Variants in SPAM1 observed in about 807,000 individuals in gnomAD.
The protein encoded by SPAM1 is sperm adhesion molecule 1.
A neutral mutation model predicts 29.6 loss-of-function variants in SPAM1; 22 were observed. The ratio of observed to expected loss-of-function variants is 0.74; its 90% CI spans 0.53 to 1.06. The LOEUF (loss-of-function observed/expected upper bound fraction) is 1.06. Ranked by LOEUF, SPAM1 falls within the 50% of genes least tolerant of loss-of-function variation. The pLI, the probability that SPAM1 is intolerant of heterozygous loss-of-function variation, is 0.00. For missense variants in SPAM1, 534 were observed against 604.0 expected, an observed-to-expected ratio of 0.88 and a Z score of 1.21; for synonymous variants, 194 against 204.6, an observed-to-expected ratio of 0.95 and a Z score of 0.44.
At chr7:123,947,105 G>C (rs1335750597) in intron 1 of SPAM1, among the ~76,000 whole-genome samples, 1 of 152,010 alleles carries the variant, frequency 6.6e-6, no homozygotes, top group Non-Finnish European at 1.5e-5. Context: ...TTATCATTTT[G>C]AAAATGTTAA....
At chr7:123,937,344 G>A (rs1808273152) in intron 1 of SPAM1, among the ~76,000 whole-genome samples, 1 of 152,156 alleles carries the variant, frequency 6.6e-6, no homozygotes, top group South Asian at 2.1e-4. Context: ...GCTCACGCCT[G>A]TAATCCCAGC....
intron 5 of SPAM1, among the ~76,000 whole-genome samples, chr7:123,969,719 G>A (rs891333163): frequency 6.7e-6 from 1 of 150,276 alleles, no homozygotes; most frequent in African/African-American, 2.4e-5. Context: ...TTGAAGTCAG[G>A]TAGTGTGATG....
intron 4 of SPAM1, among the ~76,000 whole-genome samples, chr7:123,956,544 A>G (rs930991066): frequency 6.6e-6 from 1 of 151,948 alleles, no homozygotes; most frequent in Non-Finnish European, 1.5e-5. Flanking sequence ...AGCCAGCCCT[A>G]CTGCTCCCAG....
chr7:123,971,037 A>G (rs997989572), exon 7 of SPAM1: 15 of 152,180 alleles, frequency 9.9e-5, no homozygotes, highest in African/African-American at 3.1e-4. Flanking sequence ...ATCATCACCA[A>G]CATCCTTGGG....
intron 1 of SPAM1, among the ~76,000 whole-genome samples, chr7:123,930,680 A>C (rs1305918921): frequency 6.6e-6 from 1 of 152,210 alleles, no homozygotes; most frequent in African/African-American, 2.4e-5. Flanking sequence ...GGTAGAGAAA[A>C]CAAAGACTCC....
At chr7:123,931,973 C>T (rs1292531688) in intron 1 of SPAM1, among the ~76,000 whole-genome samples, 2 of 152,200 alleles carry the variant, frequency 1.3e-5, no homozygotes, top group Non-Finnish European at 2.9e-5. Context: ...AACAACATGC[C>T]TATAGGACAT....
At chr7:123,961,328 C>T (rs980696051), downstream of SPAM1, among the ~76,000 whole-genome samples, 1 of 151,934 alleles carries the variant, frequency 6.6e-6, no homozygotes, top group Non-Finnish European at 1.5e-5. Context: ...CTCCTCCCAT[C>T]CTTCCTACTC....
chr7:123,964,842 A>G (rs1792402538), downstream of SPAM1, among the ~76,000 whole-genome samples: 1 of 152,040 alleles, frequency 6.6e-6, no homozygotes, highest in Admixed American at 6.6e-5. Flanking sequence ...AGCAGCCAAA[A>G]ATAAATATAT....
intron 5 of SPAM1, among the ~76,000 whole-genome samples, chr7:123,969,755 G>A (rs1250722702): frequency 6.7e-6 from 1 of 149,958 alleles, no homozygotes; most frequent in Non-Finnish European, 1.5e-5. Context: ...CTTTTGCTCA[G>A]GATTGTTTTG....
downstream of SPAM1, among the ~76,000 whole-genome samples, chr7:123,961,946 G>C (rs4472450): frequency 0.33 from 49,965 of 151,778 alleles, 9,447 homozygotes; most frequent in African/African-American, 0.51. Context: ...GAGAACAGTA[G>C]GGGGGAAATC....
chr7:123,958,888 T>G (rs1792303366), intron 4 of SPAM1, among the ~76,000 whole-genome samples: 3 of 151,986 alleles, frequency 2.0e-5, no homozygotes, highest in Admixed American at 2.0e-4. Flanking sequence ...TATTTATAAT[T>G]TATTGAGGGT....
chr7:123,970,766 T>C (rs1417477604), intron 6 of SPAM1, among the ~76,000 whole-genome samples: 1 of 151,934 alleles, frequency 6.6e-6, no homozygotes, highest in African/African-American at 2.4e-5. Context: ...TATGAATGCA[T>C]GCATTACAAG....
intron 2 of SPAM1, among the ~76,000 whole-genome samples, chr7:123,952,699 T>A (rs1792139868): frequency 6.6e-6 from 1 of 152,042 alleles, no homozygotes; most frequent in African/African-American, 2.4e-5. Flanking sequence ...CTAGAACTGA[T>A]CCTTTTAGTA....
chr7:123,967,616 G>A (rs1228091400), intron 5 of SPAM1, among the ~76,000 whole-genome samples: 1 of 151,982 alleles, frequency 6.6e-6, no homozygotes, highest in Non-Finnish European at 1.5e-5. Context: ...GCACATGTGT[G>A]GGTGTATGCA....
At chr7:123,927,915 C>A (rs1347024842) in intron 1 of SPAM1, among the ~76,000 whole-genome samples, 1 of 151,996 alleles carries the variant, frequency 6.6e-6, no homozygotes, top group Non-Finnish European at 1.5e-5. Flanking sequence ...AAAAAGAAAG[C>A]TGACCAGAGG....
At chr7:123,933,698 A>G (rs1808160505) in intron 1 of SPAM1, among the ~76,000 whole-genome samples, 1 of 152,216 alleles carries the variant, frequency 6.6e-6, no homozygotes, top group Non-Finnish European at 1.5e-5. Flanking sequence ...AACATCTGGA[A>G]TATACAAGGA....
At chr7:123,934,234 TA>T (rs910493459) in intron 1 of SPAM1, among the ~76,000 whole-genome samples, 8 of 152,094 alleles carry the variant, frequency 5.3e-5, no homozygotes, top group African/African-American at 1.7e-4. Flanking sequence ...TAACTGTATA[TA>T]AAAAATGCTC....
intron 1 of SPAM1, among the ~76,000 whole-genome samples, chr7:123,946,112 C>T (rs183958903): frequency 1.6e-3 from 249 of 152,256 alleles, no homozygotes; most frequent in Non-Finnish European, 3.0e-3. Context: ...ATCCTAGAAG[C>T]AGGAAAAAAT....
intron 5 of SPAM1, among the ~76,000 whole-genome samples, chr7:123,969,920 G>A (rs1042987146): frequency 1.3e-5 from 2 of 151,962 alleles, no homozygotes; most frequent in East Asian, 1.9e-4. Context: ...TATGGTGAAG[G>A]CACTGAAAAC....
Sources: allele counts gnomAD v4.1 joint callset (sites outside exome capture counted in the v4.1 genomes callset), GRCh38; gene constraint gnomAD v4.1.1; transcripts MANE v1.5; gene names NCBI Gene and HGNC (gene_info 2026-07-23, HGNC 2026-07-21).